The following TAFA1 variants were observed in gnomAD, a reference collection of about 807,000 sequenced individuals.
TAFA1 encodes the protein chemokine-like protein TAFA-1.
Under a neutral mutation model 18.5 loss-of-function variants are expected in TAFA1, and 4 were observed. That is an observed-to-expected ratio of 0.22 (90% CI 0.11 to 0.49). The LOEUF (loss-of-function observed/expected upper bound fraction) is 0.49. TAFA1 is among the 20% of genes least tolerant of loss of function. The probability of loss-of-function intolerance (pLI) is 0.98; values close to 1 mark genes in which losing one functional copy is unlikely to be tolerated. For synonymous variants in TAFA1, 56 were observed against 55.2 expected, an observed-to-expected ratio of 1.01 and a Z score of -0.06; for missense variants, 147 against 169.0, an observed-to-expected ratio of 0.87 and a Z score of 0.72.
intron 2 of TAFA1, among the ~76,000 whole-genome samples, chr3:68,260,913 G>T (rs988969149): frequency 6.6e-6 from 1 of 152,062 alleles, no homozygotes; most frequent in Non-Finnish European, 1.5e-5. Context: ...AGCCAAAATT[G>T]ACAAATGGGA....
At chr3:68,165,273 A>C (rs1350306383) in intron 2 of TAFA1, among the ~76,000 whole-genome samples, 3 of 152,190 alleles carry the variant, frequency 2.0e-5, no homozygotes, top group African/African-American at 7.2e-5. Flanking sequence ...GGAACTCCCA[A>C]AACCTTTTCT....
intron 2 of TAFA1, among the ~76,000 whole-genome samples, chr3:68,143,727 G>T (rs552110419): frequency 1.3e-5 from 2 of 152,292 alleles, no homozygotes; most frequent in Admixed American, 1.3e-4. Context: ...AAGAGTAACA[G>T]TAGTTGTTTT....
intron 2 of TAFA1, among the ~76,000 whole-genome samples, chr3:68,335,246 C>T (rs747361287): frequency 6.6e-6 from 1 of 152,098 alleles, no homozygotes; most frequent in African/African-American, 2.4e-5. Flanking sequence ...GATGTTATCA[C>T]CAACGCTTTT....
At chr3:68,213,020 TA>T (rs1372582040) in intron 2 of TAFA1, among the ~76,000 whole-genome samples, 5 of 150,688 alleles carry the variant, frequency 3.3e-5, no homozygotes, top group Admixed American at 6.6e-5. Context: ...CAAATGGTGG[TA>T]TTTTTTTTTT....
intron 2 of TAFA1, among the ~76,000 whole-genome samples, chr3:68,319,436 G>A (rs920583539): frequency 6.6e-6 from 1 of 151,878 alleles, no homozygotes; most frequent in African/African-American, 2.4e-5. Context: ...AGGCTTACTG[G>A]CATCTAGTGG....
chr3:68,182,114 C>A (rs1348929278), intron 2 of TAFA1, among the ~76,000 whole-genome samples: 1 of 152,072 alleles, frequency 6.6e-6, no homozygotes, highest in African/African-American at 2.4e-5. Flanking sequence ...GAGGCTGAGG[C>A]AAGAAGATCA....
chr3:68,379,862 C>A (rs1250724996), intron 2 of TAFA1, among the ~76,000 whole-genome samples: 2 of 151,734 alleles, frequency 1.3e-5, no homozygotes, highest in African/African-American at 2.4e-5. Context: ...GTGTGCTGCA[C>A]CCATTAACTC....
chr3:68,040,900 G>T (rs867101589), intron 2 of TAFA1, among the ~76,000 whole-genome samples: 3 of 152,052 alleles, frequency 2.0e-5, no homozygotes, highest in African/African-American at 7.2e-5. Flanking sequence ...ATTCCTTTCT[G>T]TTTCAAAACT....
intron 3 of TAFA1, among the ~76,000 whole-genome samples, chr3:68,538,391 T>C (rs1365108633): frequency 1.3e-5 from 2 of 152,140 alleles, no homozygotes; most frequent in Non-Finnish European, 2.9e-5. Flanking sequence ...TGCTTTAAGT[T>C]TAAACTAAAT....
chr3:68,427,090 A>C (rs910922732), intron 3 of TAFA1, among the ~76,000 whole-genome samples: 11 of 151,822 alleles, frequency 7.2e-5, no homozygotes, highest in African/African-American at 2.7e-4. Context: ...CAGCACACCC[A>C]AAATCCTTGT....
chr3:68,084,671 G>T (rs1047939223), intron 2 of TAFA1, among the ~76,000 whole-genome samples: 45 of 151,920 alleles, frequency 3.0e-4, no homozygotes, highest in African/African-American at 1.0e-3. Context: ...GGTGGCAGGC[G>T]GCTGTGATCC....
chr3:68,239,416 T>C (rs1262886324), intron 2 of TAFA1, among the ~76,000 whole-genome samples: 1 of 152,176 alleles, frequency 6.6e-6, no homozygotes, highest in Non-Finnish European at 1.5e-5. Context: ...TTCCACTTTA[T>C]GGTAAAACAG....
At chr3:68,158,990 T>G (rs528201383) in intron 2 of TAFA1, among the ~76,000 whole-genome samples, 3 of 152,306 alleles carry the variant, frequency 2.0e-5, no homozygotes, top group African/African-American at 7.2e-5. Flanking sequence ...TTCAATCTCC[T>G]GTTCATTCAA....
At chr3:68,287,914 T>TGG (rs71112629) in intron 2 of TAFA1, among the ~76,000 whole-genome samples, 4 of 53,288 alleles carry the variant, frequency 7.5e-5, no homozygotes, top group Non-Finnish European at 1.3e-4. Flanking sequence ...TGTTGGGGGG[T>TGG]GGGGGGGCTT....
intron 2 of TAFA1, among the ~76,000 whole-genome samples, chr3:68,367,028 C>T (rs1485364090): frequency 6.6e-6 from 1 of 152,152 alleles, no homozygotes; most frequent in Non-Finnish European, 1.5e-5. Context: ...TTTCCTTACC[C>T]CTTAAGCAGG....
intron 2 of TAFA1, among the ~76,000 whole-genome samples, chr3:68,401,050 C>G (rs117174961): frequency 6.6e-6 from 1 of 152,152 alleles, no homozygotes; most frequent in Non-Finnish European, 1.5e-5. Flanking sequence ...TGGGATAAGC[C>G]GATCAGTGAA....
At chr3:68,427,922 T>A (rs958025967) in intron 3 of TAFA1, among the ~76,000 whole-genome samples, 3 of 151,952 alleles carry the variant, frequency 2.0e-5, no homozygotes, top group Non-Finnish European at 2.9e-5. Context: ...TTTGTGCCAT[T>A]GCTCCTCTTT....
chr3:68,398,389 C>T (rs532776581), intron 2 of TAFA1, among the ~76,000 whole-genome samples: 19 of 152,082 alleles, frequency 1.2e-4, no homozygotes, highest in Non-Finnish European at 2.6e-4. Flanking sequence ...TGAAACTGGA[C>T]CCCTTCCTTA....
intron 2 of TAFA1, among the ~76,000 whole-genome samples, chr3:68,242,135 G>A (rs571190059): frequency 1.3e-5 from 2 of 152,228 alleles, no homozygotes; most frequent in East Asian, 3.9e-4. Flanking sequence ...ATGGGAGCTG[G>A]TAAGAGCTTT....
Sources: gnomAD v4.1 joint callset for allele counts (sites outside exome capture counted in the v4.1 genomes callset) on GRCh38, gnomAD v4.1.1 for gene constraint, MANE v1.5 for transcripts, NCBI Gene and HGNC (gene_info 2026-07-23, HGNC 2026-07-21) for gene names.